GABRB2: variants seen among roughly 807,000 people sequenced by gnomAD.
GABRB2 encodes gamma-aminobutyric acid type A receptor subunit beta2.
Under a neutral mutation model 54.7 loss-of-function variants are expected in GABRB2, and 16 were observed. The observed-to-expected ratio is 0.29, with a 90% confidence interval of 0.20 to 0.44. GABRB2 has a LOEUF of 0.44. GABRB2 is among the 20% of genes least tolerant of loss of function. The pLI is 1.00. For missense variants in GABRB2, 355 were observed against 644.0 expected (o/e 0.55, Z 4.86); for synonymous variants, 244 against 233.8 (o/e 1.04, Z -0.40).
At chr5:161,466,842 G>A (rs1441791720) in intron 3 of GABRB2, among the ~76,000 whole-genome samples, 1 of 151,934 alleles carries the variant, frequency 6.6e-6, no homozygotes, top group Admixed American at 6.6e-5. Flanking sequence ...AGAGACTTCA[G>A]CATTTATTAT....
intron 5 of GABRB2, among the ~76,000 whole-genome samples, chr5:161,366,199 A>C (rs1352204555): frequency 6.6e-6 from 1 of 152,048 alleles, no homozygotes; most frequent in Non-Finnish European, 1.5e-5. Flanking sequence ...AGAAAATGAC[A>C]GTCATAGAAT....
chr5:161,344,397 C>G (rs1754257450), intron 5 of GABRB2, among the ~76,000 whole-genome samples: 1 of 152,060 alleles, frequency 6.6e-6, no homozygotes, highest in Non-Finnish European at 1.5e-5. Flanking sequence ...GCTAAGAATA[C>G]TGCACTCTGG....
At chr5:161,429,115 G>A (rs1757094373) in intron 4 of GABRB2, among the ~76,000 whole-genome samples, 2 of 151,582 alleles carry the variant, frequency 1.3e-5, no homozygotes, top group African/African-American at 4.8e-5. Flanking sequence ...GGGAGGCTGA[G>A]GCAGGCAGAT....
intron 9 of GABRB2, among the ~76,000 whole-genome samples, chr5:161,307,675 CT>C (rs1757728033): frequency 6.6e-6 from 1 of 151,892 alleles, no homozygotes; most frequent in Admixed American, 6.6e-5. Flanking sequence ...AAATCATATT[CT>C]TTTTGGTGAG....
intron 4 of GABRB2, among the ~76,000 whole-genome samples, chr5:161,413,584 A>G (rs1413184174): frequency 6.6e-6 from 1 of 152,210 alleles, no homozygotes; most frequent in Admixed American, 6.5e-5. Flanking sequence ...TTTTACATGT[A>G]CATTCTGAAT....
intron 3 of GABRB2, among the ~76,000 whole-genome samples, chr5:161,482,956 C>T (rs754248003): frequency 1.6e-4 from 25 of 152,082 alleles, no homozygotes; most frequent in Non-Finnish European, 3.1e-4. Flanking sequence ...ATGATAGTTC[C>T]ACTAATTTTT....
At chr5:161,321,999 A>G (rs1758225111) in intron 9 of GABRB2, among the ~76,000 whole-genome samples, 1 of 152,182 alleles carries the variant, frequency 6.6e-6, no homozygotes. Flanking sequence ...TTCATTATAT[A>G]TATGTACAAA....
At chr5:161,355,805 T>G (rs550596489) in intron 5 of GABRB2, among the ~76,000 whole-genome samples, 24 of 152,260 alleles carry the variant, frequency 1.6e-4, no homozygotes, top group African/African-American at 5.3e-4. Context: ...TTTGCCATTT[T>G]GCAATATGTA....
At chr5:161,521,449 A>G (rs1760112619) in intron 3 of GABRB2, among the ~76,000 whole-genome samples, 1 of 151,700 alleles carries the variant, frequency 6.6e-6, no homozygotes, top group South Asian at 2.1e-4. Context: ...TTTATTTTCG[A>G]AAAAAAAGAA....
chr5:161,375,902 G>T (rs1755280258), intron 5 of GABRB2, among the ~76,000 whole-genome samples: 1 of 152,166 alleles, frequency 6.6e-6, no homozygotes, highest in South Asian at 2.1e-4. Context: ...ACTATCTCTG[G>T]CTAATCATTA....
chr5:161,521,070 T>C (rs1760097588), intron 3 of GABRB2, among the ~76,000 whole-genome samples: 1 of 152,036 alleles, frequency 6.6e-6, no homozygotes, highest in South Asian at 2.1e-4. Flanking sequence ...ACTAAGACAA[T>C]TTCCTATGGA....
At chr5:161,472,860 A>C (rs2113302052) in intron 3 of GABRB2, among the ~76,000 whole-genome samples, 1 of 152,120 alleles carries the variant, frequency 6.6e-6, no homozygotes, top group South Asian at 2.1e-4. Flanking sequence ...GACAATTATT[A>C]CTTAACACTT....
intron 4 of GABRB2, among the ~76,000 whole-genome samples, chr5:161,445,198 A>T (rs1757582625): frequency 2.0e-5 from 3 of 152,300 alleles, no homozygotes; most frequent in Non-Finnish European, 4.4e-5. Flanking sequence ...CAGGCCATTA[A>T]ATAGTAAACA....
intron 5 of GABRB2, among the ~76,000 whole-genome samples, chr5:161,390,935 A>G (rs895910407): frequency 3.3e-5 from 5 of 152,184 alleles, no homozygotes; most frequent in African/African-American, 1.2e-4. Context: ...TAGGTTTCAA[A>G]TAAGTGGCAA....
In GABRB2 at chr5:161,326,539, C is replaced by T. The variant is rs1282910743; in HGVS notation, c.1078-58G>A. ...GTCGATTGATGCTACTAGATTAGGC[C>T]TGATGGTTAAAGTAAATTGGATATA... On this transcript the variant is annotated intron_variant, in intron 8 of 9. Coordinates refer to ENST00000393959, the MANE Select transcript of GABRB2 (RefSeq NM_001371727.1). 1.9e-6 allele frequency: 3 copies of T among 1,553,672 alleles called. No homozygotes were observed. In the Admixed American group the frequency reaches 5.7e-5, roughly 30 times the overall value.
At chr5:161,380,276 A>G (rs1463927458) in intron 5 of GABRB2, among the ~76,000 whole-genome samples, 2 of 152,168 alleles carry the variant, frequency 1.3e-5, no homozygotes, top group African/African-American at 4.8e-5. Context: ...ATTTCCTTCT[A>G]TAAAATTTTA....
intron 5 of GABRB2, among the ~76,000 whole-genome samples, chr5:161,368,628 C>A (rs1755041671): frequency 1.3e-5 from 2 of 152,198 alleles, no homozygotes; most frequent in Admixed American, 1.3e-4. Flanking sequence ...GCATACTCTG[C>A]ACACCTGGAC....
chr5:161,512,584 T>C (rs1759809070), intron 3 of GABRB2, among the ~76,000 whole-genome samples: 1 of 152,080 alleles, frequency 6.6e-6, no homozygotes, highest in Non-Finnish European at 1.5e-5. Context: ...ATTAAATATT[T>C]AAATATAAGA....
intron 5 of GABRB2, among the ~76,000 whole-genome samples, chr5:161,366,257 C>A (rs575243728): frequency 6.6e-6 from 1 of 151,924 alleles, no homozygotes; most frequent in East Asian, 1.9e-4. Context: ...ATGACTGGCA[C>A]GGCTAGCTGC....
Sources: allele counts gnomAD v4.1 joint callset (sites outside exome capture counted in the v4.1 genomes callset), GRCh38; gene constraint gnomAD v4.1.1; transcripts MANE v1.5; gene names NCBI Gene and HGNC (gene_info 2026-07-23, HGNC 2026-07-21).